Variants in RRAGB observed in about 807,000 individuals in gnomAD.
RRAGB encodes the protein Ras related GTP binding B.
RRAGB carries 6 observed loss-of-function variants against 29.3 expected under a neutral mutation model. The observed-to-expected ratio is 0.21, with a 90% CI of 0.11 to 0.40. The LOEUF (loss-of-function observed/expected upper bound fraction) is 0.40, where lower values mean the gene tolerates loss of function less well. Among genes scored for constraint, RRAGB ranks in the 10% least tolerant of loss-of-function variants. The pLI, the probability that RRAGB is intolerant of heterozygous loss-of-function variation, is 1.00. For synonymous variants in RRAGB, 101 were observed against 92.5 expected (o/e 1.09, Z -0.53); for missense variants, 184 against 272.9 (o/e 0.67, Z 2.29).
intron 5 of RRAGB, among the ~76,000 whole-genome samples, chrX:55,748,712 G>A (rs1330259419): frequency 9.0e-6 from 1 of 111,400 alleles, no homozygotes; most frequent in African/African-American, 3.3e-5. Context: ...TCTCCGCCCG[G>A]CAGCCACCCC....
chrX:55,747,037 T>A (rs1484609843), intron 5 of RRAGB, among the ~76,000 whole-genome samples: 1 of 112,115 alleles, frequency 8.9e-6, no homozygotes, highest in Non-Finnish European at 1.9e-5. Context: ...CACGTCACCT[T>A]TAGGAGTCTG....
intron 2 of RRAGB, among the ~76,000 whole-genome samples, chrX:55,721,485 G>A (rs2033278638): frequency 8.9e-6 from 1 of 111,805 alleles, no homozygotes; most frequent in Admixed American, 9.5e-5. Context: ...GTGAAACAAT[G>A]GCACAGATGC....
rs199873002 is a variant in RRAGB, at chrX:55,753,416, C to T, written c.637C>T (p.Leu213=). The part of the protein sequence containing the change: ...YKAWSSIVYQ[L]IPNVQQLEMN... ...GGCTTGGTCCAGCATAGTTTATCAG[C>T]TGATTCCCAATGTTCAGCAGCTGGA... Residue 213 remains leucine (L), a synonymous_variant, in exon 7 of 10, where the codon CTG becomes TTG. Coordinates refer to ENST00000374941, the MANE Select transcript of RRAGB (RefSeq NM_006064.5). 3.3e-6 allele frequency: 4 copies of T among 1,200,667 alleles called. No individual in the cohort carries two copies. Among genetic ancestry groups the T allele is most frequent in the Non-Finnish European group, 4.5e-6 (4 of 887,379 alleles).
chrX:55,756,081 T>C, intron 8 of RRAGB, 149 bp downstream of exon 8: 1 of 416,881 alleles, frequency 2.4e-6, no homozygotes, highest in Non-Finnish European at 4.2e-6. Flanking sequence ...GGGCCTCCAG[T>C]TGACTGAAAT....
chrX:55,755,370 G>T, intron 7 of RRAGB: 1 of 747,478 alleles, frequency 1.3e-6, no homozygotes, highest in South Asian at 6.8e-5. Context: ...TATTCCTCAG[G>T]GATTGGAATC....
intron 5 of RRAGB, among the ~76,000 whole-genome samples, chrX:55,749,400 G>A (rs764425896): frequency 1.8e-4 from 19 of 103,091 alleles, no homozygotes; most frequent in Admixed American, 7.0e-4. Flanking sequence ...CGCCCCGTCC[G>A]GGAGGGAGGT....
intron 5 of RRAGB, among the ~76,000 whole-genome samples, chrX:55,743,287 C>G (rs1249734256): frequency 8.9e-6 from 1 of 112,252 alleles, no homozygotes. Context: ...AAATCCATAT[C>G]CAGAATGTGT....
At chrX:55,750,855 T>G (rs1198984790) in intron 5 of RRAGB, among the ~76,000 whole-genome samples, 1 of 112,027 alleles carries the variant, frequency 8.9e-6, no homozygotes, top group Non-Finnish European at 1.9e-5. Context: ...AAGCTTTATT[T>G]ATAAACATAG....
intron 3 of RRAGB, 30 bp downstream of exon 3, chrX:55,722,315 G>A: frequency 6.1e-6 from 6 of 990,425 alleles, no homozygotes; most frequent in Non-Finnish European, 8.6e-6. Flanking sequence ...TGTAAAGTCA[G>A]GTGATCTTAA....
Position 55,744,387 on chromosome X carries a change from C to CAAAAAAAAAAAAAAAAAAAAAA in RRAGB, c.517-6697_517-6696insAAAAAAAAAAAAAAAAAAAAAA, listed in dbSNP as rs56294534. Among the ~76,000 whole-genome samples, 18 of 35,747 alleles carry CAAAAAAAAAAAAAAAAAAAAAA rather than the reference C, an allele frequency of 5.0e-4. 3 individuals are homozygous for CAAAAAAAAAAAAAAAAAAAAAA. Among genetic ancestry groups the CAAAAAAAAAAAAAAAAAAAAAA allele is most frequent in the African/African-American group, 1.5e-3 (17 of 11,430 alleles). The allele number at this position is 35,747 out of a possible 115,157, so 31.0% of individuals were successfully genotyped here. A position where few individuals can be genotyped will look rare whatever the true frequency, so the allele number is the denominator to read the frequency against. ...CTCCAGCTTGGGTGACAGAGTGAGC[C>CAAAAAAAAAAAAAAAAAAAAAA]AAAAAAAAAAAAAAAAAGTAGTATA... On this transcript the variant is annotated intron_variant, in intron 5 of 9. Coordinates refer to ENST00000374941, the MANE Select transcript of RRAGB (RefSeq NM_006064.5).
rs759231772 is a variant in RRAGB, at chrX:55,755,089, A to G, written c.736-752A>G. 4.0e-6 allele frequency: 3 copies of G among 751,747 alleles called. No homozygotes were observed. The African/African-American group carries it at 6.9e-5, about 17-fold the overall frequency. 62.0% of individuals were successfully genotyped at this position (751,747 alleles called of 1,213,427 possible). Reference sequence around the variant, plus strand: ...TGAGACCAAGTTTAGATGTGACTGAACATTTTCACTGAGCGGGGTGAAGTC... The same window carrying G: ...TGAGACCAAGTTTAGATGTGACTGAGCATTTTCACTGAGCGGGGTGAAGTC... On this transcript the variant is annotated intron_variant, in intron 7 of 9. Coordinates refer to ENST00000374941, the MANE Select transcript of RRAGB (RefSeq NM_006064.5).
intron 1 of RRAGB, 124 bp downstream of exon 1, chrX:55,718,543 G>C: frequency 2.2e-6 from 1 of 454,096 alleles, no homozygotes; most frequent in Non-Finnish European, 3.7e-6. Flanking sequence ...CAGTAATGTT[G>C]ATTGGGATTA....
chrX:55,727,310 T>C, intron 3 of RRAGB: 1 of 1,162,773 alleles, frequency 8.6e-7, no homozygotes, highest in Non-Finnish European at 1.2e-6. Flanking sequence ...TTTTTAGTAC[T>C]AGACCGTATA....
intron 5 of RRAGB, among the ~76,000 whole-genome samples, chrX:55,740,385 ACACATCTTTTGGAAT>A (rs2034021855): frequency 3.6e-5 from 4 of 111,980 alleles, no homozygotes; most frequent in African/African-American, 1.3e-4. Flanking sequence ...CTAGGCTCAA[ACACATCTTTTGGAAT>A]GAAAATAGGA....
intron 5 of RRAGB, among the ~76,000 whole-genome samples, chrX:55,733,126 T>C (rs928048601): frequency 1.8e-5 from 2 of 111,151 alleles, no homozygotes; most frequent in African/African-American, 6.5e-5. Context: ...CCCCACAACC[T>C]CCCCGTTTCT....
At chrX:55,720,792 C>A (rs1245693557) in intron 2 of RRAGB, among the ~76,000 whole-genome samples, 1 of 110,749 alleles carries the variant, frequency 9.0e-6, no homozygotes, top group Non-Finnish European at 1.9e-5. Context: ...GCATGAGAAT[C>A]ACTTGAACCC....
intron 8 of RRAGB, 32 bp from the exon 9 acceptor site, chrX:55,757,184 T>C (rs2034677865): frequency 4.8e-6 from 4 of 834,867 alleles, no homozygotes; most frequent in East Asian, 6.3e-5. Context: ...TATTATTTCA[T>C]TCTTTAACCT....
chrX:55,726,153 A>AG (rs2146748180), intron 3 of RRAGB, among the ~76,000 whole-genome samples: 1 of 109,527 alleles, frequency 9.1e-6, no homozygotes, highest in African/African-American at 3.4e-5. Context: ...GAAAATGTTA[A>AG]AAAAAAAAAG....
At chrX:55,749,430 C>T (rs1183678880) in intron 5 of RRAGB, among the ~76,000 whole-genome samples, 1 of 106,766 alleles carries the variant, frequency 9.4e-6, no homozygotes, top group East Asian at 3.1e-4. Flanking sequence ...AGCCCCCCGC[C>T]CGGCCAGCTG....
Sources: gnomAD v4.1 joint callset for allele counts (sites outside exome capture counted in the v4.1 genomes callset) on GRCh38, gnomAD v4.1.1 for gene constraint, MANE v1.5 for transcripts, NCBI Gene and HGNC (gene_info 2026-07-23, HGNC 2026-07-21) for gene names.